Variants in ARHGEF10 observed in about 807,000 individuals in gnomAD.
ARHGEF10 encodes the protein Rho guanine nucleotide exchange factor (GEF) 10.
Under a neutral mutation model 147.4 loss-of-function variants are expected in ARHGEF10, and 140 were observed. That is an observed-to-expected ratio of 0.95 (90% CI 0.83 to 1.09). The LOEUF is 1.09. Among genes scored for constraint, ARHGEF10 ranks in the 50% least tolerant of loss-of-function variants. The pLI, the probability that ARHGEF10 is intolerant of heterozygous loss-of-function variation, is 0.00. For missense variants in ARHGEF10, 2,222 were observed against 1,752.7 expected, an observed-to-expected ratio of 1.27 and a Z score of -4.78; for synonymous variants, 902 against 695.8, an observed-to-expected ratio of 1.30 and a Z score of -4.67.
At chr8:1,876,322 G>GCCGT in intron 7 of ARHGEF10, 11 of 561,904 alleles carry the variant, frequency 2.0e-5, no homozygotes, top group Admixed American at 6.1e-5. Context: ...TCGGGGTACA[G>GCCGT]ATGGGGCAGG....
chr8:1,824,755 C>G lies in ARHGEF10; in HGVS notation c.-48+642C>G, dbSNP rs1344891464. ...ATTCCCCCGCACCCCGCCTGTCCCC[C>G]CGCACCCTACCTGTTTATTCTGCAC... On this transcript the variant is annotated intron_variant, in intron 1 of 28. Coordinates refer to ENST00000349830, the MANE Select transcript of ARHGEF10 (RefSeq NM_014629.4). Among the ~76,000 whole-genome samples, 14 of 90,848 alleles carry G rather than the reference C, an allele frequency of 1.5e-4. No homozygotes were observed. The South Asian group carries it at 6.6e-3, about 43-fold the overall frequency. The allele number at this position is 90,848 out of a possible 152,430, so 59.6% of individuals were successfully genotyped here. A position where few individuals can be genotyped will look rare whatever the true frequency, so the allele number is the denominator to read the frequency against.
chr8:1,885,523 A>G, intron 10 of ARHGEF10, 78 bp from the exon 11 acceptor site: 1 of 1,001,990 alleles, frequency 1.0e-6, no homozygotes, highest in South Asian at 1.4e-5. Context: ...TATTTATTTG[A>G]CTTTTTTTTA....
At chr8:1,899,780 G>A (rs1563255549) in intron 15 of ARHGEF10, among the ~76,000 whole-genome samples, 1 of 152,226 alleles carries the variant, frequency 6.6e-6, no homozygotes, top group Admixed American at 6.5e-5. Flanking sequence ...TAATACGTGC[G>A]AGACGCTGTT....
intron 2 of ARHGEF10, among the ~76,000 whole-genome samples, chr8:1,846,390 T>A (rs1434185598): frequency 6.6e-6 from 1 of 152,182 alleles, no homozygotes; most frequent in Non-Finnish European, 1.5e-5. Flanking sequence ...TAATTATAAT[T>A]TCCCCCATTA....
At position 1,893,592 on chromosome 8, in the gene ARHGEF10, T is replaced by C. The variant is rs118161222; in HGVS notation, c.1206T>C (p.Gly402=). 16,367 of 1,613,398 alleles carry C rather than the reference T, an allele frequency of 0.01. 111 individuals are homozygous for C. Among genetic ancestry groups the C allele is most frequent in the Non-Finnish European group, 0.012 (13,984 of 1,179,438 alleles). ...QQQVVRRYIL[G]SVVDSEKNYV... The stretch of plus-strand genomic sequence containing the variant: ...AGGTTGTAAGAAGATATATACTGGG[T>C]TCAGTTGTCGACAGTGAAAAGAACT... The change falls in exon 12 of 29, where the codon GGT becomes GGC. Residue 402 remains glycine (G), a synonymous_variant. Transcript: ENST00000349830.
In ARHGEF10 at chr8:1,948,700, C is replaced by G. The variant is rs191670625; in HGVS notation, c.3397+3045C>G. ...GAGGGAATGAGCAGGCCAGAGAGTC[C>G]TTTCCTCCAGAGAGTCCTTTCATCT... On this transcript the variant is annotated intron_variant, in intron 27 of 28. Transcript: ENST00000349830. This position sits in a 1 kb window ranked among gnomAD's most constrained non-coding sequence, Gnocchi z 4.9. 5.9e-5 allele frequency among the ~76,000 whole-genome samples: 9 copies of G among 152,298 alleles called. No individual in the cohort carries two copies. In the South Asian group the frequency reaches 1.7e-3, roughly 28 times the overall value.
chr8:1,833,241 A>AAGACAGAGGCCG (rs1191352531), intron 1 of ARHGEF10, among the ~76,000 whole-genome samples: 1 of 124,566 alleles, frequency 8.0e-6, no homozygotes, highest in Non-Finnish European at 1.6e-5. Context: ...GAGGGAGACA[A>AAGACAGAGGCCG]AGACAGAGGC....
chr8:1,898,371 C>T, intron 14 of ARHGEF10, 62 bp from the exon 15 acceptor site: 5 of 1,483,766 alleles, frequency 3.4e-6, no homozygotes, highest in Non-Finnish European at 4.7e-6. Context: ...AGGAGGCGGC[C>T]CCAGGGGCAG....
At chr8:1,931,327 C>A (rs1360711464) in intron 25 of ARHGEF10, among the ~76,000 whole-genome samples, 1 of 152,228 alleles carries the variant, frequency 6.6e-6, no homozygotes, top group Non-Finnish European at 1.5e-5. Context: ...AATAACATTT[C>A]TATTACGTAA....
intron 2 of ARHGEF10, among the ~76,000 whole-genome samples, chr8:1,854,602 G>A (rs1273217108): frequency 1.3e-5 from 2 of 150,622 alleles, no homozygotes; most frequent in African/African-American, 5.0e-5. Flanking sequence ...CAAGCCCCAA[G>A]CCCCTTCCAA....
rs988621804 is a variant in ARHGEF10, at chr8:1,860,296, G to C, written c.481+112G>C. 7 of 1,447,146 alleles carry C rather than the reference G, an allele frequency of 4.8e-6. No homozygotes were observed. In the African/African-American group the frequency reaches 1.0e-4, roughly 21 times the overall value. The allele number at this position is 1,447,146 out of a possible 1,614,324, so 89.6% of individuals were successfully genotyped here. A position where few individuals can be genotyped will look rare whatever the true frequency, so the allele number is the denominator to read the frequency against. On this transcript the variant is annotated intron_variant, in intron 4 of 28. Transcript: ENST00000349830. ...CTGCATGCCCCGGATGTGGCCTGTG[G>C]TTCCGTAGAGTCCGGGCCTGACCTT...
intron 18 of ARHGEF10, among the ~76,000 whole-genome samples, chr8:1,909,741 G>C (rs113353876): frequency 0.032 from 4,830 of 152,264 alleles, 84 homozygotes; most frequent in Non-Finnish European, 0.041. Flanking sequence ...CCGTCTTCCC[G>C]GTCCAGTGAG....
rs528871544 is a variant in ARHGEF10 at position 1,945,345 on chromosome 8, G to A, written c.3223-136G>A. ...TTGCTGGTGTTTGGTTGCTGGAGACGCCTGTGATTTGGAGCAAAGCCTGCT... is the reference window on the plus strand; with the variant it reads ...TTGCTGGTGTTTGGTTGCTGGAGACACCTGTGATTTGGAGCAAAGCCTGCT... On this transcript the variant is annotated intron_variant, in intron 26 of 28. Coordinates refer to ENST00000349830, the MANE Select transcript of ARHGEF10 (RefSeq NM_014629.4). The A allele has an allele frequency of 4.3e-4, 454 of 1,064,648 alleles. 1 individual carries two copies. The highest frequency in any genetic ancestry group is 1.6e-3 in the African/African-American group (104 of 63,728). 66.0% of individuals were successfully genotyped at this position (1,064,648 alleles called of 1,614,324 possible). A position where few individuals can be genotyped will look rare whatever the true frequency, so the allele number is the denominator to read the frequency against.
At chr8:1,862,497 C>T (rs1434348027) in intron 4 of ARHGEF10, among the ~76,000 whole-genome samples, 2 of 152,248 alleles carry the variant, frequency 1.3e-5, no homozygotes, top group East Asian at 1.9e-4. Flanking sequence ...ACTCCCTGGC[C>T]AGCGTGTCTG....
intron 3 of ARHGEF10, 34 bp from the exon 4 acceptor site, chr8:1,859,863 T>C: frequency 1.2e-6 from 2 of 1,613,312 alleles, no homozygotes; most frequent in Non-Finnish European, 1.7e-6. Context: ...CCCTTGGTGA[T>C]GTGTCTGCTG....
At chr8:1,833,021 C>G (rs1185918056) in intron 1 of ARHGEF10, among the ~76,000 whole-genome samples, 1 of 20,412 alleles carries the variant, frequency 4.9e-5, no homozygotes, top group Non-Finnish European at 9.1e-5. Context: ...GAGACAGAGG[C>G]AGAGACAGGC....
In ARHGEF10 at chr8:1,903,300, C is replaced by T. The variant is rs368966631; in HGVS notation, c.1670C>T (p.Ser557Phe). Residue 557 changes from serine (S) to phenylalanine (F), a missense_variant, in exon 16 of 29, where the codon TCC becomes TTC. Coordinates refer to ENST00000349830, the MANE Select transcript of ARHGEF10 (RefSeq NM_014629.4). ...TTGTAGGACATGCTGAAGAACACCT[C>T]CAAAGGCCACCCCGACAGGCTGCCT... ...LLLQDMLKNT[S>F]KGHPDRLPLQ... The T allele has an allele frequency of 3.7e-6, 6 of 1,614,004 alleles. No homozygotes were observed. The African/African-American group carries it at 8.0e-5, about 22-fold the overall frequency.
rs934322187 is a variant in ARHGEF10 at position 1,869,077 on chromosome 8, T to A, written c.623-117T>A. The A allele has an allele frequency of 1.8e-5, 18 of 1,012,358 alleles. No individual in the cohort carries two copies. The Middle Eastern group carries it at 1.2e-3, about 66-fold the overall frequency. 62.7% of individuals were successfully genotyped at this position (1,012,358 alleles called of 1,614,324 possible). On this transcript the variant is annotated intron_variant, in intron 6 of 28. Coordinates refer to ENST00000349830, the MANE Select transcript of ARHGEF10 (RefSeq NM_014629.4). Reference sequence around the variant, plus strand: ...GTAAAAAATAAAAAAAAAACTACCCTTATAAACCAACTTTTTGAATAATCA... The same window carrying A: ...GTAAAAAATAAAAAAAAAACTACCCATATAAACCAACTTTTTGAATAATCA...
chr8:1,905,729 A>C lies in ARHGEF10; in HGVS notation c.1967+13A>C. The C allele has an allele frequency of 6.2e-7, 1 of 1,612,862 alleles. No individual in the cohort carries two copies. Among genetic ancestry groups the C allele is most frequent in the Non-Finnish European group, 8.5e-7 (1 of 1,180,026 alleles). On this transcript the variant is annotated intron_variant, in intron 17 of 28. Coordinates refer to ENST00000349830, the MANE Select transcript of ARHGEF10 (RefSeq NM_014629.4). ...CCGTCAGCTCACGGTAAGTGCATAA[A>C]TTCTCTATAGTAGTCCTACCATCAT... is the stretch of plus-strand genomic sequence containing the variant.
Sources: gnomAD v4.1 joint callset for allele counts (sites outside exome capture counted in the v4.1 genomes callset) on GRCh38, gnomAD v4.1.1 for gene constraint, Gnocchi (gnomAD v3.1) non-coding constraint, MANE v1.5 for transcripts, NCBI Gene and HGNC (gene_info 2026-07-23, HGNC 2026-07-21) for gene names.